The following ZFHX3 variants were observed in gnomAD, a reference collection of about 807,000 sequenced individuals.
ZFHX3 encodes the protein zinc finger homeobox protein 3.
ZFHX3 carries 42 observed loss-of-function variants against 279.1 expected under a neutral mutation model. The ratio of observed to expected loss-of-function variants is 0.15; its 90% CI spans 0.12 to 0.19. The LOEUF (loss-of-function observed/expected upper bound fraction) is 0.19, where lower values mean the gene tolerates loss of function less well. ZFHX3 is among the 10% of genes least tolerant of loss of function. ZFHX3 has a pLI of 1.00. For missense variants in ZFHX3, 4,981 were observed against 4,754.0 expected, an observed-to-expected ratio of 1.05 and a Z score of -1.40; for synonymous variants, 2,293 against 1,957.8, an observed-to-expected ratio of 1.17 and a Z score of -4.52.
intron 4 of ZFHX3, among the ~76,000 whole-genome samples, chr16:73,292,376 A>C (rs946790798): frequency 6.6e-6 from 1 of 152,030 alleles, no homozygotes; most frequent in Non-Finnish European, 1.5e-5. Flanking sequence ...GACATTCCCT[A>C]CTCCAGGGTG....
intron 3 of ZFHX3, among the ~76,000 whole-genome samples, chr16:73,424,441 T>C (rs1369127850): frequency 6.6e-6 from 1 of 152,102 alleles, no homozygotes; most frequent in African/African-American, 2.4e-5. Context: ...CTTCTGCATA[T>C]GTACTCACAA....
At chr16:73,308,704 T>A (rs1597276224) in intron 4 of ZFHX3, among the ~76,000 whole-genome samples, 1 of 152,138 alleles carries the variant, frequency 6.6e-6, no homozygotes, top group East Asian at 1.9e-4. Flanking sequence ...GCATTTATCG[T>A]CAACAATTTA....
intron 1 of ZFHX3, among the ~76,000 whole-genome samples, chr16:73,721,373 T>C: frequency 6.6e-6 from 1 of 152,128 alleles, no homozygotes; most frequent in East Asian, 1.9e-4. Flanking sequence ...CTGCCCACCT[T>C]GGCCTCCCAA....
At chr16:73,069,532 A>C (rs745601429) in intron 8 of ZFHX3, among the ~76,000 whole-genome samples, 6 of 152,190 alleles carry the variant, frequency 3.9e-5, no homozygotes, top group Non-Finnish European at 8.8e-5. Flanking sequence ...AAGCAAAAGA[A>C]ATGAGGGAGA....
At chr16:73,435,259 A>G (rs1446874573) in intron 3 of ZFHX3, among the ~76,000 whole-genome samples, 1 of 152,116 alleles carries the variant, frequency 6.6e-6, no homozygotes, top group Non-Finnish European at 1.5e-5. Context: ...CCTAAGCTGG[A>G]GTGCAGTGAT....
At chr16:73,162,722 C>T (rs1967267961) in intron 5 of ZFHX3, among the ~76,000 whole-genome samples, 1 of 152,116 alleles carries the variant, frequency 6.6e-6, no homozygotes, top group Non-Finnish European at 1.5e-5. Context: ...CGTGGCCTCC[C>T]AAAGTGCTGG....
intron 3 of ZFHX3, among the ~76,000 whole-genome samples, chr16:73,346,815 C>G (rs962163190): frequency 6.6e-6 from 1 of 152,120 alleles, no homozygotes; most frequent in African/African-American, 2.4e-5. Context: ...ACAGACCTAG[C>G]CAAAGAGACC....
At chr16:73,461,967 C>CA (rs1555518471) in intron 2 of ZFHX3, among the ~76,000 whole-genome samples, 1 of 152,152 alleles carries the variant, frequency 6.6e-6, no homozygotes, top group Non-Finnish European at 1.5e-5. Context: ...GGAAAATTGA[C>CA]ATCTTTCCTA....
At chr16:72,906,964 T>C (rs1334675770) in intron 3 of ZFHX3, among the ~76,000 whole-genome samples, 1 of 152,054 alleles carries the variant, frequency 6.6e-6, no homozygotes, top group African/African-American at 2.4e-5. Context: ...ATGCTACAAG[T>C]TTTTATGTGA....
At chr16:73,001,339 A>C (rs1330028199) in intron 1 of ZFHX3, among the ~76,000 whole-genome samples, 1 of 152,148 alleles carries the variant, frequency 6.6e-6, no homozygotes, top group East Asian at 1.9e-4. Context: ...TTCAGATGAG[A>C]CCACGGCCCC....
chr16:73,176,015 C>T (rs1014309708), intron 5 of ZFHX3, among the ~76,000 whole-genome samples: 19 of 152,256 alleles, frequency 1.2e-4, no homozygotes, highest in African/African-American at 4.6e-4. Flanking sequence ...CAGAGCCATC[C>T]CCAACCCACC....
chr16:73,138,395 G>A (rs1464207947), intron 6 of ZFHX3, among the ~76,000 whole-genome samples: 1 of 152,126 alleles, frequency 6.6e-6, no homozygotes, highest in Non-Finnish European at 1.5e-5. Context: ...CCCGCTGACG[G>A]TCAGAGGGTC....
intron 2 of ZFHX3, among the ~76,000 whole-genome samples, chr16:73,615,477 T>C (rs2052290944): frequency 6.6e-6 from 1 of 152,232 alleles, no homozygotes; most frequent in Non-Finnish European, 1.5e-5. Context: ...TGAGGGGTAC[T>C]TGCCATCTAA....
chr16:73,648,369 T>C (rs1245165764), intron 2 of ZFHX3, among the ~76,000 whole-genome samples: 1 of 152,122 alleles, frequency 6.6e-6, no homozygotes, highest in African/African-American at 2.4e-5. Flanking sequence ...CATAGAACAG[T>C]TTGCTAATTG....
chr16:73,293,291 C>A (rs1025374036), intron 4 of ZFHX3, among the ~76,000 whole-genome samples: 1 of 152,132 alleles, frequency 6.6e-6, no homozygotes, highest in African/African-American at 2.4e-5. Context: ...AGACTCTGAA[C>A]CCCGCTAGAC....
At chr16:73,500,951 G>T (rs774255070) in intron 2 of ZFHX3, among the ~76,000 whole-genome samples, 1 of 152,192 alleles carries the variant, frequency 6.6e-6, no homozygotes, top group Non-Finnish European at 1.5e-5. Flanking sequence ...TGCAGTAATG[G>T]CCTAGGCCGT....
intron 7 of ZFHX3, among the ~76,000 whole-genome samples, chr16:73,106,209 T>C (rs1304728489): frequency 6.6e-6 from 1 of 152,148 alleles, no homozygotes; most frequent in Non-Finnish European, 1.5e-5. Context: ...GGATCTTGTC[T>C]TGTTCTTTTT....
At chr16:73,585,931 G>A (rs1452877803) in intron 2 of ZFHX3, among the ~76,000 whole-genome samples, 1 of 151,990 alleles carries the variant, frequency 6.6e-6, no homozygotes, top group African/African-American at 2.4e-5. Context: ...AAAAATAAAC[G>A]TGGGATAACC....
intron 1 of ZFHX3, among the ~76,000 whole-genome samples, chr16:73,818,001 T>C (rs908570942): frequency 6.6e-6 from 1 of 152,150 alleles, no homozygotes; most frequent in Non-Finnish European, 1.5e-5. Context: ...TTAATAAAAG[T>C]GTGACTTATA....
Sources: gnomAD v4.1 joint callset for allele counts (sites outside exome capture counted in the v4.1 genomes callset) on GRCh38, gnomAD v4.1.1 for gene constraint, MANE v1.5 for transcripts, NCBI Gene and HGNC (gene_info 2026-07-23, HGNC 2026-07-21) for gene names.